Variants in PPP3CA observed in about 807,000 individuals in gnomAD.
PPP3CA encodes the protein protein phosphatase 3 catalytic subunit alpha.
A neutral mutation model predicts 66.5 loss-of-function variants in PPP3CA; 14 were observed. The observed-to-expected ratio is 0.21, with a 90% CI of 0.14 to 0.33. The LOEUF (loss-of-function observed/expected upper bound fraction) is 0.33, where lower values mean the gene tolerates loss of function less well. PPP3CA is among the 10% of genes least tolerant of loss of function. PPP3CA has a pLI of 1.00. For synonymous variants in PPP3CA, 232 were observed against 226.2 expected (o/e 1.03, Z -0.23); for missense variants, 317 against 639.5 (o/e 0.50, Z 5.44).
At position 101,025,304 on chromosome 4, in the gene PPP3CA, G is replaced by GTGTT; in HGVS notation, c.*560_*561insAACA. On this transcript the variant is annotated 3_prime_UTR_variant, in exon 14 of 14. Transcript: ENST00000394854. ...GCAACGTTCTTTTTTTTCTTTTTCT[G>GTGTT]TTTTTTTTTTTTTTTAAGACTGCCT... The GTGTT allele has an allele frequency of 7.3e-6, 1 of 136,498 alleles. No homozygotes were observed. Among genetic ancestry groups the GTGTT allele is most frequent in the South Asian group, 2.4e-4 (1 of 4,212 alleles). 8.5% of individuals were successfully genotyped at this position (136,498 alleles called of 1,614,324 possible).
At chr4:101,276,085 A>C (rs1185817125) in intron 1 of PPP3CA, among the ~76,000 whole-genome samples, 1 of 151,676 alleles carries the variant, frequency 6.6e-6, no homozygotes, top group East Asian at 1.9e-4. Context: ...TGTACAGATA[A>C]GATGTGACTA....
chr4:101,025,175 T>TAA lies in PPP3CA; in HGVS notation c.*688_*689dup, dbSNP rs1208396184. 6.6e-6 allele frequency: 1 copy of TAA among 152,452 alleles called. No homozygotes were observed. Among genetic ancestry groups the TAA allele is most frequent in the African/African-American group, 2.4e-5 (1 of 41,422 alleles). 9.4% of individuals were successfully genotyped at this position (152,452 alleles called of 1,614,324 possible). ...TTCCATTGCCGAATTAAGAAGAAGATAAGTGTTATATGGAAAGAAGGGCAT... is the reference window on the plus strand; with the variant it reads ...TTCCATTGCCGAATTAAGAAGAAGATAAAAGTGTTATATGGAAAGAAGGGCAT... On this transcript the variant is annotated 3_prime_UTR_variant, in exon 14 of 14. Coordinates refer to ENST00000394854, the MANE Select transcript of PPP3CA (RefSeq NM_000944.5).
chr4:101,117,865 T>C (rs558407608), intron 2 of PPP3CA, among the ~76,000 whole-genome samples: 2 of 151,968 alleles, frequency 1.3e-5, no homozygotes, highest in Non-Finnish European at 2.9e-5. Flanking sequence ...ATCAAGAGTA[T>C]TGGATGAACA....
chr4:101,086,864 C>T (rs1729695504), intron 6 of PPP3CA, among the ~76,000 whole-genome samples: 1 of 152,214 alleles, frequency 6.6e-6, no homozygotes, highest in African/African-American at 2.4e-5. Flanking sequence ...AATCTGTCAG[C>T]TTATTGGGGC....
At chr4:101,202,977 C>T (rs1450448667) in intron 1 of PPP3CA, among the ~76,000 whole-genome samples, 3 of 152,050 alleles carry the variant, frequency 2.0e-5, no homozygotes, top group Admixed American at 1.3e-4. Flanking sequence ...AGATTGAATA[C>T]CTCATTTGAA....
intron 3 of PPP3CA, among the ~76,000 whole-genome samples, chr4:101,104,376 T>TA (rs1487854000): frequency 6.6e-6 from 1 of 152,200 alleles, no homozygotes; most frequent in African/African-American, 2.4e-5. Context: ...TCAGATTATA[T>TA]AGATAGGGAG....
intron 1 of PPP3CA, among the ~76,000 whole-genome samples, chr4:101,201,538 T>C (rs1724966955): frequency 6.6e-6 from 1 of 152,194 alleles, no homozygotes; most frequent in African/African-American, 2.4e-5. Context: ...CTGGGCACTT[T>C]AATTTTCCCT....
intron 6 of PPP3CA, among the ~76,000 whole-genome samples, chr4:101,090,897 T>TATCTGTGTCTATATTATAATATACACAC (rs1729900286): frequency 1.9e-4 from 22 of 114,166 alleles, no homozygotes; most frequent in Admixed American, 7.2e-4. Context: ...TATACACACA[T>TATCTGTGTCTATATTATAATATACACAC]ATCTGTGTCT....
chr4:101,308,848 T>G (rs1728629692), intron 1 of PPP3CA, among the ~76,000 whole-genome samples: 1 of 152,150 alleles, frequency 6.6e-6, no homozygotes, highest in South Asian at 2.1e-4. Flanking sequence ...GATTAAACAT[T>G]TTTCCATTAG....
chr4:101,030,341 T>G (rs949221278), intron 12 of PPP3CA, among the ~76,000 whole-genome samples: 1 of 152,120 alleles, frequency 6.6e-6, no homozygotes, highest in African/African-American at 2.4e-5. Context: ...CGAGATTCCT[T>G]ATGATAAAAA....
chr4:101,030,571 AACAC>A (rs1398234509), intron 12 of PPP3CA, among the ~76,000 whole-genome samples: 1 of 152,142 alleles, frequency 6.6e-6, no homozygotes. Context: ...ACCATAGAAA[AACAC>A]AAACCAATGG....
In PPP3CA at chr4:101,115,846, A is replaced by C. The variant is rs545281078; in HGVS notation, c.260-6768T>G. On this transcript the variant is annotated intron_variant, in intron 2 of 13. Coordinates refer to ENST00000394854, the MANE Select transcript of PPP3CA (RefSeq NM_000944.5). ...AACATCATTGGGTCAACTTGTTAAC[A>C]ATGAGCAAAAATTTTATAATATCAT... 1.9e-3 allele frequency among the ~76,000 whole-genome samples: 293 copies of C among 152,146 alleles called. 2 individuals are homozygous for C. Among genetic ancestry groups the C allele is most frequent in the Non-Finnish European group, 3.1e-3 (211 of 67,918 alleles).
At position 101,146,097 on chromosome 4, in the gene PPP3CA, T is replaced by A. The variant is rs986598742; in HGVS notation, c.260-37019A>T. Among the ~76,000 whole-genome samples, 19 of 152,350 alleles carry A rather than the reference T, an allele frequency of 1.2e-4. No homozygotes were observed. The East Asian group carries it at 3.7e-3, about 29-fold the overall frequency. On this transcript the variant is annotated intron_variant, in intron 2 of 13. Coordinates refer to ENST00000394854, the MANE Select transcript of PPP3CA (RefSeq NM_000944.5). ...TTAAGTTTATGAAGTTTTTCTCTAT[T>A]CATGCTGCAAGTTGGAATATTCTCA...
chr4:101,189,513 C>A (rs77824261), intron 2 of PPP3CA, among the ~76,000 whole-genome samples: 1 of 151,834 alleles, frequency 6.6e-6, no homozygotes, highest in African/African-American at 2.4e-5. Flanking sequence ...AGTTGAACTG[C>A]TTGGGATTTA....
At chr4:101,236,108 G>A (rs751886954) in intron 1 of PPP3CA, among the ~76,000 whole-genome samples, 20 of 151,338 alleles carry the variant, frequency 1.3e-4, no homozygotes, top group Non-Finnish European at 2.7e-4. Context: ...AAGAACCTAC[G>A]TAACAAATAA....
chr4:101,182,607 G>C (rs1157795116), intron 2 of PPP3CA, among the ~76,000 whole-genome samples: 1 of 152,142 alleles, frequency 6.6e-6, no homozygotes, highest in African/African-American at 2.4e-5. Flanking sequence ...CTCTGGAAAA[G>C]AACAGGGTTT....
intron 8 of PPP3CA, among the ~76,000 whole-genome samples, chr4:101,069,376 C>T (rs556374119): frequency 6.6e-6 from 1 of 152,292 alleles, no homozygotes; most frequent in African/African-American, 2.4e-5. Context: ...ACTCCTCTTA[C>T]TCACTAGGTG....
Position 101,124,712 on chromosome 4 carries a change from A to AGAAAGAAG in PPP3CA, c.260-15635_260-15634insCTTCTTTC, listed in dbSNP as rs1722157706. On this transcript the variant is annotated intron_variant, in intron 2 of 13. Coordinates refer to ENST00000394854, the MANE Select transcript of PPP3CA (RefSeq NM_000944.5). Reference sequence around the variant, plus strand: ...AAGAAAGAAAGAAAGAAAGAAAGAAAGAAAGAAAGAAAGAGAAAGAAAGAA... The same window carrying AGAAAGAAG: ...AAGAAAGAAAGAAAGAAAGAAAGAAAGAAAGAAGGAAAGAAAGAAAGAGAAAGAAAGAA... Among the ~76,000 whole-genome samples the AGAAAGAAG allele has an allele frequency of 2.8e-4, 27 of 97,628 alleles. No homozygotes were observed. In the East Asian group the frequency reaches 7.1e-3, roughly 26 times the overall value. 64.0% of individuals were successfully genotyped at this position (97,628 alleles called of 152,430 possible).
intron 1 of PPP3CA, among the ~76,000 whole-genome samples, chr4:101,309,584 C>T (rs1313233206): frequency 1.3e-5 from 2 of 152,068 alleles, no homozygotes; most frequent in Non-Finnish European, 2.9e-5. Context: ...AATTGGAACA[C>T]TATAAAGAAA....
Sources: gnomAD v4.1 joint callset for allele counts (sites outside exome capture counted in the v4.1 genomes callset) on GRCh38, gnomAD v4.1.1 for gene constraint, MANE v1.5 for transcripts, NCBI Gene and HGNC (gene_info 2026-07-23, HGNC 2026-07-21) for gene names.